Variants in CLIC4 observed in about 807,000 individuals in gnomAD.
The protein encoded by CLIC4 is CLIC family member 4.
In CLIC4, 13 loss-of-function variants were observed where a neutral mutation model predicts 24.6. The observed-to-expected ratio is 0.53, with a 90% CI of 0.34 to 0.84. The LOEUF is 0.84. Ranked by LOEUF, CLIC4 falls within the 40% of genes least tolerant of loss-of-function variation. The pLI, the probability that CLIC4 is intolerant of heterozygous loss-of-function variation, is 0.01. For missense variants in CLIC4, 227 were observed against 301.7 expected, an observed-to-expected ratio of 0.75 and a Z score of 1.83; for synonymous variants, 104 against 111.3, an observed-to-expected ratio of 0.93 and a Z score of 0.41.
intron 2 of CLIC4, among the ~76,000 whole-genome samples, chr1:24,813,291 C>G (rs1557810337): frequency 6.6e-6 from 1 of 152,034 alleles, no homozygotes; most frequent in Non-Finnish European, 1.5e-5. Flanking sequence ...ATCCTCCTGC[C>G]TTGGCCTCCC....
intron 1 of CLIC4, among the ~76,000 whole-genome samples, chr1:24,784,493 T>C (rs1326125997): frequency 3.3e-5 from 5 of 152,222 alleles, no homozygotes; most frequent in African/African-American, 1.2e-4. Context: ...AGCAGAGAGA[T>C]TTGTCTTCAA....
intron 3 of CLIC4, among the ~76,000 whole-genome samples, chr1:24,823,951 C>T (rs924915278): frequency 5.9e-5 from 9 of 152,126 alleles, no homozygotes; most frequent in Admixed American, 5.2e-4. Context: ...AAGGACTTAT[C>T]TGAAAGTCTA....
intron 1 of CLIC4, among the ~76,000 whole-genome samples, chr1:24,749,822 C>T (rs1571225995): frequency 6.6e-6 from 1 of 151,656 alleles, no homozygotes; most frequent in African/African-American, 2.4e-5. Context: ...TTGCCAGGCA[C>T]AGTGGCTCAC....
At chr1:24,797,204 A>G (rs1291840187) in intron 1 of CLIC4, among the ~76,000 whole-genome samples, 1 of 151,392 alleles carries the variant, frequency 6.6e-6, no homozygotes, top group Non-Finnish European at 1.5e-5. Context: ...CACCTGCCTC[A>G]GCCTCCCAAA....
chr1:24,831,498 C>T (rs1446161752), intron 4 of CLIC4, among the ~76,000 whole-genome samples: 1 of 152,212 alleles, frequency 6.6e-6, no homozygotes, highest in African/African-American at 2.4e-5. Context: ...ACTCAAATAG[C>T]ATTTGAGACA....
At chr1:24,822,536 A>G (rs948704794) in intron 3 of CLIC4, among the ~76,000 whole-genome samples, 1 of 151,538 alleles carries the variant, frequency 6.6e-6, no homozygotes, top group Non-Finnish European at 1.5e-5. Context: ...TTTAGTAGAG[A>G]CGGGGTTTCA....
intron 1 of CLIC4, among the ~76,000 whole-genome samples, chr1:24,789,554 T>C (rs1427741734): frequency 6.6e-6 from 1 of 152,032 alleles, no homozygotes; most frequent in African/African-American, 2.4e-5. Context: ...TGGAAATATA[T>C]AAGAAGTATT....
chr1:24,769,628 G>GA lies in CLIC4; in HGVS notation c.72+24012dup, dbSNP rs913809611. Among the ~76,000 whole-genome samples the GA allele has an allele frequency of 1.5e-4, 23 of 151,072 alleles. 1 individual carries two copies. Among genetic ancestry groups the GA allele is most frequent in the Middle Eastern group, 3.4e-3 (1 of 294 alleles). On this transcript the variant is annotated intron_variant, in intron 1 of 5. Transcript: ENST00000374379. The stretch of plus-strand genomic sequence containing the variant: ...CTTATGTTCTGTTTTCAGTCACCCT[G>GA]AAAAAAAAATTCTGAGAATATTTAA...
chr1:24,813,305 G>A (rs931949594), intron 2 of CLIC4, among the ~76,000 whole-genome samples: 3 of 151,864 alleles, frequency 2.0e-5, no homozygotes, highest in African/African-American at 7.3e-5. Context: ...GCCTCCCAAA[G>A]TGCTGGGATT....
chr1:24,796,457 G>T (rs948574402), intron 1 of CLIC4, among the ~76,000 whole-genome samples: 6 of 152,186 alleles, frequency 3.9e-5, no homozygotes, highest in Non-Finnish European at 8.8e-5. Flanking sequence ...AAAGTGCTGG[G>T]ATTACAGGCG....
At chr1:24,802,643 C>T (rs1363007670) in intron 2 of CLIC4, among the ~76,000 whole-genome samples, 1 of 151,928 alleles carries the variant, frequency 6.6e-6, no homozygotes. Flanking sequence ...CATCAACTTC[C>T]CCTTCAGAGA....
At chr1:24,818,556 G>T (rs1293356690) in intron 3 of CLIC4, among the ~76,000 whole-genome samples, 1 of 152,020 alleles carries the variant, frequency 6.6e-6, no homozygotes, top group Non-Finnish European at 1.5e-5. Flanking sequence ...CAAAGTGCTG[G>T]GATTACAGGT....
intron 1 of CLIC4, among the ~76,000 whole-genome samples, chr1:24,751,960 G>C (rs1209803013): frequency 6.6e-6 from 1 of 152,208 alleles, no homozygotes; most frequent in Admixed American, 6.5e-5. Context: ...CTGTGAACTG[G>C]GATGATCACT....
At chr1:24,828,630 A>G (rs1157048151) in intron 4 of CLIC4, among the ~76,000 whole-genome samples, 5 of 128,110 alleles carry the variant, frequency 3.9e-5, no homozygotes, top group African/African-American at 5.9e-5. Context: ...TCTGACACTT[A>G]GTGGGGAGGA....
intron 1 of CLIC4, among the ~76,000 whole-genome samples, chr1:24,766,720 A>T (rs1639003189): frequency 6.6e-6 from 1 of 150,952 alleles, no homozygotes; most frequent in African/African-American, 2.4e-5. Context: ...TGGCCAGGCT[A>T]GTCTTGAACT....
chr1:24,752,504 G>T (rs1383597657), intron 1 of CLIC4, among the ~76,000 whole-genome samples: 1 of 152,106 alleles, frequency 6.6e-6, no homozygotes, highest in African/African-American at 2.4e-5. Flanking sequence ...TGTTGCCAGT[G>T]GGGGGTGGAA....
intron 2 of CLIC4, among the ~76,000 whole-genome samples, chr1:24,806,354 T>A (rs1303326109): frequency 6.6e-6 from 1 of 152,220 alleles, no homozygotes; most frequent in African/African-American, 2.4e-5. Context: ...GTGAATCAGA[T>A]TACTGTTTAG....
chr1:24,813,684 G>A (rs1639639771), intron 2 of CLIC4, among the ~76,000 whole-genome samples: 1 of 151,588 alleles, frequency 6.6e-6, no homozygotes. Flanking sequence ...CTCCCAAAGG[G>A]CTGGGATTAC....
intron 4 of CLIC4, among the ~76,000 whole-genome samples, chr1:24,835,435 C>T (rs1326754198): frequency 6.6e-6 from 1 of 152,152 alleles, no homozygotes; most frequent in South Asian, 2.1e-4. Flanking sequence ...TGGTTGCTCA[C>T]GCCTATAATC....
Sources: gnomAD v4.1 joint callset for allele counts (sites outside exome capture counted in the v4.1 genomes callset) on GRCh38, gnomAD v4.1.1 for gene constraint, MANE v1.5 for transcripts, NCBI Gene and HGNC (gene_info 2026-07-23, HGNC 2026-07-21) for gene names.